PARD3B: variants seen among roughly 807,000 people sequenced by gnomAD.
PARD3B encodes the protein par-3 family cell polarity regulator beta, also known as partitioning defective 3 homolog B.
In PARD3B, 103 loss-of-function variants were observed where a neutral mutation model predicts 130.2. The ratio of observed to expected loss-of-function variants is 0.79; its 90% CI spans 0.67 to 0.93. The LOEUF (loss-of-function observed/expected upper bound fraction) is 0.93, where lower values mean the gene tolerates loss of function less well. Among genes scored for constraint, PARD3B ranks in the 40% least tolerant of loss-of-function variants. The pLI is 0.00. For missense variants in PARD3B, 1,609 were observed against 1,499.2 expected, an observed-to-expected ratio of 1.07 and a Z score of -1.21; for synonymous variants, 583 against 553.2, an observed-to-expected ratio of 1.05 and a Z score of -0.76.
chr2:205,524,710 C>T (rs1477023230), intron 21 of PARD3B, among the ~76,000 whole-genome samples: 1 of 152,142 alleles, frequency 6.6e-6, no homozygotes, highest in Non-Finnish European at 1.5e-5. Context: ...TCCAACATAA[C>T]AAAAAGCCCC....
At chr2:205,237,823 A>T (rs1439804807) in intron 15 of PARD3B, among the ~76,000 whole-genome samples, 1 of 152,076 alleles carries the variant, frequency 6.6e-6, no homozygotes, top group Non-Finnish European at 1.5e-5. Flanking sequence ...CTCAAAATAC[A>T]AGTGAATTAT....
At chr2:205,206,996 A>G (rs2037353706) in intron 15 of PARD3B, among the ~76,000 whole-genome samples, 1 of 147,584 alleles carries the variant, frequency 6.8e-6, no homozygotes, top group South Asian at 2.2e-4. Context: ...ATGTAAAAGA[A>G]CACAAATTAT....
At chr2:204,954,865 C>T (rs1443186753) in intron 2 of PARD3B, among the ~76,000 whole-genome samples, 2 of 152,182 alleles carry the variant, frequency 1.3e-5, no homozygotes, top group Non-Finnish European at 2.9e-5. Flanking sequence ...TTTCTATCAA[C>T]CTATCAGTTC....
chr2:205,059,098 A>G (rs1349736395), intron 4 of PARD3B, among the ~76,000 whole-genome samples: 3 of 151,802 alleles, frequency 2.0e-5, no homozygotes, highest in African/African-American at 4.8e-5. Context: ...TTTTGAGTTA[A>G]TTTTTGTACA....
At chr2:205,145,393 A>G (rs1242904307) in intron 10 of PARD3B, among the ~76,000 whole-genome samples, 4 of 152,202 alleles carry the variant, frequency 2.6e-5, no homozygotes, top group African/African-American at 9.6e-5. Context: ...TTTATGGAAT[A>G]AAGACAAGAC....
chr2:205,582,414 T>A (rs1198786132), intron 22 of PARD3B, among the ~76,000 whole-genome samples: 2 of 152,146 alleles, frequency 1.3e-5, no homozygotes, highest in African/African-American at 4.8e-5. Context: ...AAAATAAAAT[T>A]AAGTAATCAT....
intron 2 of PARD3B, among the ~76,000 whole-genome samples, chr2:204,953,731 A>T (rs1358377288): frequency 6.6e-6 from 1 of 152,198 alleles, no homozygotes; most frequent in Non-Finnish European, 1.5e-5. Context: ...GGTCACAGCA[A>T]CCTAGATTTT....
rs1698131372 is a variant in PARD3B at position 205,038,024 on chromosome 2, A to C, written c.395-9557A>C. On this transcript the variant is annotated intron_variant, in intron 3 of 22. Transcript: ENST00000406610. ...TTATAATTATTGGGAGTAGACCTTC[A>C]AAGTGGGACAGGATTACAACTGATT... 4.6e-5 allele frequency among the ~76,000 whole-genome samples: 7 copies of C among 152,172 alleles called. No individual in the cohort carries two copies. In the South Asian group the frequency reaches 1.5e-3, roughly 32 times the overall value.
intron 1 of PARD3B, among the ~76,000 whole-genome samples, chr2:204,555,265 ATATCC>A (rs1160149691): frequency 6.6e-6 from 1 of 152,212 alleles, no homozygotes; most frequent in East Asian, 1.9e-4. Flanking sequence ...CTAATAAATT[ATATCC>A]ATGAAGGGCC....
At chr2:205,371,683 T>C (rs909370881) in intron 18 of PARD3B, among the ~76,000 whole-genome samples, 19 of 152,236 alleles carry the variant, frequency 1.2e-4, no homozygotes, top group African/African-American at 4.6e-4. Context: ...TGTAACCCAG[T>C]CATTTGATTT....
intron 10 of PARD3B, among the ~76,000 whole-genome samples, chr2:205,131,617 C>G (rs897832394): frequency 2.0e-5 from 3 of 152,128 alleles, no homozygotes; most frequent in Non-Finnish European, 4.4e-5. Context: ...CAAAGTATGT[C>G]AGGAACCAAG....
chr2:205,489,991 A>G (rs2049630050), intron 20 of PARD3B, among the ~76,000 whole-genome samples: 2 of 152,142 alleles, frequency 1.3e-5, no homozygotes, highest in Non-Finnish European at 2.9e-5. Flanking sequence ...AATCAATCAC[A>G]TAGGAGGAAG....
intron 15 of PARD3B, among the ~76,000 whole-genome samples, chr2:205,231,974 T>C (rs2038858932): frequency 6.6e-6 from 1 of 152,180 alleles, no homozygotes; most frequent in African/African-American, 2.4e-5. Context: ...ACCCACAAGA[T>C]TGGAGAAAAT....
intron 2 of PARD3B, among the ~76,000 whole-genome samples, chr2:204,821,930 TA>T (rs11358549): frequency 0.014 from 2,156 of 152,268 alleles, 58 homozygotes; most frequent in African/African-American, 0.049. Flanking sequence ...ACTAATGCAC[TA>T]ACATAACATC....
At chr2:204,868,016 T>C (rs1309756585) in intron 2 of PARD3B, among the ~76,000 whole-genome samples, 2 of 152,164 alleles carry the variant, frequency 1.3e-5, no homozygotes, top group Non-Finnish European at 2.9e-5. Flanking sequence ...TCTGAGGGAC[T>C]GTGAGTGTTC....
At chr2:205,166,271 A>G (rs1245947535) in intron 11 of PARD3B, among the ~76,000 whole-genome samples, 3 of 152,336 alleles carry the variant, frequency 2.0e-5, no homozygotes, top group African/African-American at 7.2e-5. Context: ...ATGATGAAGC[A>G]TTTAATTCTG....
intron 2 of PARD3B, among the ~76,000 whole-genome samples, chr2:204,815,909 C>T (rs554191468): frequency 2.0e-5 from 3 of 152,138 alleles, no homozygotes; most frequent in East Asian, 3.9e-4. Context: ...TCTGTTGAGA[C>T]GTACATATTC....
intron 16 of PARD3B, among the ~76,000 whole-genome samples, chr2:205,279,859 C>A (rs2041121685): frequency 6.6e-6 from 1 of 152,144 alleles, no homozygotes; most frequent in Non-Finnish European, 1.5e-5. Context: ...GTGTTTCTAA[C>A]CATAAAGCTG....
chr2:204,676,585 C>T (rs552591696), intron 1 of PARD3B, among the ~76,000 whole-genome samples: 45 of 151,746 alleles, frequency 3.0e-4, no homozygotes, highest in African/African-American at 9.4e-4. Context: ...CCTTGAGATA[C>T]GGCTATCTAG....
Sources: allele counts gnomAD v4.1 joint callset (sites outside exome capture counted in the v4.1 genomes callset), GRCh38; gene constraint gnomAD v4.1.1; transcripts MANE v1.5; gene names NCBI Gene and HGNC (gene_info 2026-07-23, HGNC 2026-07-21).